Variants in RNF121 observed in about 807,000 individuals in gnomAD.
RNF121 encodes ring finger protein 121.
In RNF121, 21 loss-of-function variants were observed where a neutral mutation model predicts 46.5. That is an observed-to-expected ratio of 0.45 (90% CI 0.32 to 0.65). RNF121 has a LOEUF of 0.65. Among genes scored for constraint, RNF121 ranks in the 30% least tolerant of loss-of-function variants. The probability of loss-of-function intolerance (pLI) is 0.04; values close to 1 mark genes in which losing one functional copy is unlikely to be tolerated. For synonymous variants in RNF121, 139 were observed against 144.7 expected, an observed-to-expected ratio of 0.96 and a Z score of 0.28; for missense variants, 346 against 416.0, an observed-to-expected ratio of 0.83 and a Z score of 1.46.
At position 71,943,352 on chromosome 11, in the gene RNF121, C is replaced by T. The variant is rs12279363; in HGVS notation, c.64-13875C>T. On this transcript the variant is annotated intron_variant, in intron 1 of 8. Coordinates refer to ENST00000361756, the MANE Select transcript of RNF121 (RefSeq NM_018320.5). ...TTAATTAGGCAGTTGGAAATACGAGCTTATAGCTCAGGGAGAGGTTTGGAC... is the reference window on the plus strand; with the variant it reads ...TTAATTAGGCAGTTGGAAATACGAGTTTATAGCTCAGGGAGAGGTTTGGAC... Among the ~76,000 whole-genome samples the T allele has an allele frequency of 2.5e-3, 376 of 152,300 alleles. 2 individuals carry two copies. The highest frequency in any genetic ancestry group is 8.6e-3 in the African/African-American group (356 of 41,560).
intron 7 of RNF121, 93 bp downstream of exon 7, chr11:71,994,945 C>A: frequency 6.5e-7 from 1 of 1,530,576 alleles, no homozygotes; most frequent in Non-Finnish European, 8.9e-7. Flanking sequence ...CCTAGGCATG[C>A]TGTCCAGACC....
chr11:71,949,124 G>T (rs1048912205), intron 1 of RNF121, among the ~76,000 whole-genome samples: 8 of 152,188 alleles, frequency 5.3e-5, no homozygotes, highest in African/African-American at 1.7e-4. Context: ...TTTTGTGAAA[G>T]AATGAAGTCT....
intron 5 of RNF121, among the ~76,000 whole-genome samples, chr11:71,989,524 T>C (rs1954828577): frequency 1.3e-5 from 2 of 152,222 alleles, no homozygotes; most frequent in South Asian, 2.1e-4. Flanking sequence ...ATCAATGATT[T>C]CTAGTGAGTT....
chr11:71,986,944 C>G (rs1954783479), intron 4 of RNF121, 60 bp from the exon 5 acceptor site: 4 of 964,010 alleles, frequency 4.1e-6, no homozygotes, highest in Non-Finnish European at 6.8e-6. Flanking sequence ...TTCTGGTGAT[C>G]AGGACCATTA....
At chr11:71,961,133 G>A (rs141275423) in intron 3 of RNF121, among the ~76,000 whole-genome samples, 515 of 152,248 alleles carry the variant, frequency 3.4e-3, no homozygotes, top group Non-Finnish European at 6.0e-3. Context: ...TTTTCCCTTC[G>A]AAACATTGTG....
In RNF121 at chr11:71,957,282, G is replaced by A. The variant is rs78483610; in HGVS notation, c.101+18G>A. 810 of 1,557,320 alleles carry A rather than the reference G, an allele frequency of 5.2e-4. 3 individuals are homozygous for A. In the African/African-American group the frequency reaches 0.01, roughly 19 times the overall value. Reference sequence around the variant, plus strand: ...CAATGGAGGTAAGTGTGGTAGTTCGGGCCCTGCAGTCTAGGAACTGCAGGT... The same window carrying A: ...CAATGGAGGTAAGTGTGGTAGTTCGAGCCCTGCAGTCTAGGAACTGCAGGT... On this transcript the variant is annotated intron_variant, in intron 2 of 8. Coordinates refer to ENST00000361756, the MANE Select transcript of RNF121 (RefSeq NM_018320.5).
chr11:71,935,846 C>CTTTTTTTTTTTTTT (rs994241423), intron 1 of RNF121, among the ~76,000 whole-genome samples: 2 of 114,726 alleles, frequency 1.7e-5, no homozygotes, highest in African/African-American at 3.2e-5. Flanking sequence ...TATTCTTTTT[C>CTTTTTTTTTTTTTT]TTTTTTTTTT....
At chr11:71,952,793 G>A (rs1006674567) in intron 1 of RNF121, among the ~76,000 whole-genome samples, 9 of 137,474 alleles carry the variant, frequency 6.5e-5, no homozygotes, top group African/African-American at 1.9e-4. Flanking sequence ...GGGCGATAGA[G>A]CAAGACTCTG....
chr11:71,929,239 G>A, intron 1 of RNF121, 115 bp downstream of exon 1: 1 of 1,447,046 alleles, frequency 6.9e-7, no homozygotes, highest in Non-Finnish European at 9.2e-7. Flanking sequence ...GAGGGAAGGA[G>A]CTGACTAGGG....
chr11:71,929,379 G>A (rs1034586046), intron 1 of RNF121, among the ~76,000 whole-genome samples: 5 of 151,822 alleles, frequency 3.3e-5, no homozygotes, highest in African/African-American at 1.2e-4. Context: ...GGAGGGGTGG[G>A]GGTGTTAAGA....
At chr11:71,982,300 C>T (rs1291669192) in intron 3 of RNF121, among the ~76,000 whole-genome samples, 1 of 137,518 alleles carries the variant, frequency 7.3e-6, no homozygotes, top group Non-Finnish European at 1.5e-5. Flanking sequence ...CACACCGTTA[C>T]ACTCCAACCT....
chr11:71,980,365 G>T (rs1368836081), intron 3 of RNF121, among the ~76,000 whole-genome samples: 1 of 147,890 alleles, frequency 6.8e-6, no homozygotes, highest in South Asian at 2.1e-4. Context: ...TTTTTTTTAA[G>T]ATGGAGTCTA....
chr11:71,957,189 A>AG (rs1380377805), intron 1 of RNF121, 38 bp from the exon 2 acceptor site: 1 of 1,425,328 alleles, frequency 7.0e-7, no homozygotes, highest in Admixed American at 1.7e-5. Context: ...GACAGTTTTA[A>AG]GACAGTAACG....
At chr11:71,981,402 T>C (rs1954654242) in intron 3 of RNF121, among the ~76,000 whole-genome samples, 1 of 152,222 alleles carries the variant, frequency 6.6e-6, no homozygotes, top group African/African-American at 2.4e-5. Context: ...AGCCGCTCTT[T>C]CCTCTCTATA....
At chr11:71,971,171 C>A (rs973810849) in intron 3 of RNF121, among the ~76,000 whole-genome samples, 1 of 151,978 alleles carries the variant, frequency 6.6e-6, no homozygotes, top group African/African-American at 2.4e-5. Flanking sequence ...ATCACTTGAG[C>A]CTAGAGGTTC....
At chr11:71,959,472 C>T (rs1369151136) in intron 2 of RNF121, among the ~76,000 whole-genome samples, 1 of 151,898 alleles carries the variant, frequency 6.6e-6, no homozygotes, top group Non-Finnish European at 1.5e-5. Flanking sequence ...TTATGTTGTC[C>T]TTTTCCTCCC....
intron 4 of RNF121, among the ~76,000 whole-genome samples, chr11:71,984,654 C>T (rs144844588): frequency 1.3e-4 from 19 of 149,610 alleles, no homozygotes; most frequent in African/African-American, 3.7e-4. Context: ...GTGCAGTTCA[C>T]TGCAACCTCT....
chr11:71,990,593 G>A lies in RNF121; in HGVS notation c.507-4G>A. Reference sequence around the variant, plus strand: ...TCTTTCTAGCTCTAATGCTTCCCTTGCAGGATCAAACCAGAAGATGCCATG... The same window carrying A: ...TCTTTCTAGCTCTAATGCTTCCCTTACAGGATCAAACCAGAAGATGCCATG... On this transcript the variant is annotated splice_polypyrimidine_tract_variant and splice_region_variant and intron_variant, in intron 5 of 8. Coordinates refer to ENST00000361756, the MANE Select transcript of RNF121 (RefSeq NM_018320.5). 1 of 1,613,746 alleles carries A rather than the reference G, an allele frequency of 6.2e-7. No homozygotes were observed.
At chr11:71,972,564 T>C (rs1954441627) in intron 3 of RNF121, among the ~76,000 whole-genome samples, 1 of 152,106 alleles carries the variant, frequency 6.6e-6, no homozygotes, top group Non-Finnish European at 1.5e-5. Flanking sequence ...ACAGAGGAAC[T>C]GTTGGCATTT....
Sources: allele counts gnomAD v4.1 joint callset (sites outside exome capture counted in the v4.1 genomes callset), GRCh38; gene constraint gnomAD v4.1.1; transcripts MANE v1.5; gene names NCBI Gene and HGNC (gene_info 2026-07-23, HGNC 2026-07-21).